Variants in SLC38A2 observed in about 807,000 individuals in gnomAD.
SLC38A2 encodes sodium-coupled neutral amino acid symporter 2.
A neutral mutation model predicts 61.5 loss-of-function variants in SLC38A2; 11 were observed. The observed-to-expected ratio is 0.18, with a 90% confidence interval of 0.11 to 0.30. SLC38A2 has a LOEUF of 0.30. Ranked by LOEUF, SLC38A2 falls within the 10% of genes least tolerant of loss-of-function variation. SLC38A2 has a pLI of 1.00. For missense variants in SLC38A2, 522 were observed against 600.4 expected (o/e 0.87, Z 1.36); for synonymous variants, 217 against 212.5 (o/e 1.02, Z -0.18).
Position 46,358,663 on chromosome 12 carries a change from CA to C in SLC38A2, c.*2447del, listed in dbSNP as rs1943047877. 6.6e-6 allele frequency: 1 copy of C among 152,544 alleles called. No individual in the cohort carries two copies. Among genetic ancestry groups the C allele is most frequent in the Non-Finnish European group, 1.5e-5 (1 of 68,024 alleles). The allele number at this position is 152,544 out of a possible 1,614,324, so 9.4% of individuals were successfully genotyped here. A position where few individuals can be genotyped will look rare whatever the true frequency, so the allele number is the denominator to read the frequency against. ...GTTAAGAAACTTACAGGAATATATACACTTGAACCCAAGACCCAAACCTGAC... is the reference window on the plus strand; with the variant it reads ...GTTAAGAAACTTACAGGAATATATACCTTGAACCCAAGACCCAAACCTGAC... On this transcript the variant is annotated 3_prime_UTR_variant, in exon 16 of 16. Coordinates refer to ENST00000256689, the MANE Select transcript of SLC38A2 (RefSeq NM_018976.5).
intron 3 of SLC38A2, 67 bp from the exon 4 acceptor site, chr12:46,370,694 A>C (rs189749344): frequency 1.4e-5 from 22 of 1,546,604 alleles, no homozygotes; most frequent in Non-Finnish European, 1.8e-5. Context: ...AGCTTTGGGC[A>C]AGTTAGATTT....
chr12:46,370,393 T>C (rs1943182412), intron 4 of SLC38A2, 119 bp downstream of exon 4: 1 of 739,148 alleles, frequency 1.4e-6, no homozygotes, highest in Non-Finnish European at 2.3e-6. Context: ...ATACTTTTAA[T>C]TTTAAGCAAG....
chr12:46,371,961 C>T (rs898011244), intron 1 of SLC38A2, among the ~76,000 whole-genome samples: 3 of 152,098 alleles, frequency 2.0e-5, no homozygotes, highest in Non-Finnish European at 4.4e-5. Flanking sequence ...TGTTTACACA[C>T]GCGCGCCAGT....
chr12:46,367,174 AT>A lies in SLC38A2; in HGVS notation c.389-7del. ...TTGTTCATATAATAAAGACCCTACA[AT>A]TTGAAGACAGAAGCATGAAGCCAAG... On this transcript the variant is annotated splice_polypyrimidine_tract_variant and splice_region_variant and intron_variant, in intron 5 of 15. Transcript: ENST00000256689. 5 of 1,609,754 alleles carry A rather than the reference AT, an allele frequency of 3.1e-6. No homozygotes were observed. The highest frequency in any genetic ancestry group is 4.3e-6 in the Non-Finnish European group (5 of 1,176,446).
At chr12:46,368,391 AAAAT>A (rs918674638) in intron 4 of SLC38A2, among the ~76,000 whole-genome samples, 27 of 152,168 alleles carry the variant, frequency 1.8e-4, no homozygotes, top group Non-Finnish European at 2.2e-4. Flanking sequence ...CAACAGAAAA[AAAAT>A]AAATAAATAA....
rs1163136303 is a variant in SLC38A2 at position 46,363,655 on chromosome 12, C to G, written c.1054+71G>C. The G allele has an allele frequency of 8.7e-6, 8 of 916,972 alleles. No homozygotes were observed. The East Asian group carries it at 1.8e-4, about 20-fold the overall frequency. The allele number at this position is 916,972 out of a possible 1,614,324, so 56.8% of individuals were successfully genotyped here. On this transcript the variant is annotated intron_variant, in intron 12 of 15. Transcript: ENST00000256689. Reference sequence around the variant, plus strand: ...AAGTGATGGAACTACACATAGAAAACTAGCAGCTTCATTTCAATAAGCGTT... The same window carrying G: ...AAGTGATGGAACTACACATAGAAAAGTAGCAGCTTCATTTCAATAAGCGTT...
chr12:46,370,046 T>C (rs149149879), intron 4 of SLC38A2, among the ~76,000 whole-genome samples: 3 of 152,160 alleles, frequency 2.0e-5, no homozygotes, highest in Non-Finnish European at 4.4e-5. Context: ...GCTGGGTAAA[T>C]ACCACCACAC....
intron 13 of SLC38A2, 60 bp from the exon 14 acceptor site, chr12:46,362,698 C>A: frequency 6.7e-7 from 1 of 1,503,118 alleles, no homozygotes; most frequent in Non-Finnish European, 8.8e-7. Flanking sequence ...ATTTAAAAAT[C>A]CAGCTTCAAT....
rs1209469150 is a variant in SLC38A2 at position 46,359,073 on chromosome 12, A to T, written c.*2038T>A. The T allele has an allele frequency of 7.2e-6, 1 of 139,172 alleles. No homozygotes were observed. Among genetic ancestry groups the T allele is most frequent in the Non-Finnish European group, 1.5e-5 (1 of 65,700 alleles). 8.6% of individuals were successfully genotyped at this position (139,172 alleles called of 1,614,324 possible). A position where few individuals can be genotyped will look rare whatever the true frequency, so the allele number is the denominator to read the frequency against. ...TTTTCCATTCCTTCCTGGTTGCCAC[A>T]GTATCTTCTCCCATACAAAAAAAAA... On this transcript the variant is annotated 3_prime_UTR_variant, in exon 16 of 16. Transcript: ENST00000256689.
In SLC38A2 at chr12:46,372,702, C is replaced by T. The variant is rs1299024479; in HGVS notation, c.-280G>A. ...GTGTCAAGGGAAAGGCGCGAGCGTG[C>T]GGTAACGCGTGGTCGGGCTGCTGCT... On this transcript the variant is annotated 5_prime_UTR_variant, in exon 1 of 16. Transcript: ENST00000256689. The T allele has an allele frequency of 2.5e-6, 1 of 398,502 alleles. No individual in the cohort carries two copies. Among genetic ancestry groups the T allele is most frequent in the East Asian group, 3.6e-5 (1 of 28,070 alleles). 24.7% of individuals were successfully genotyped at this position (398,502 alleles called of 1,614,324 possible).
chr12:46,364,994 T>C (rs993038251), intron 8 of SLC38A2, 113 bp downstream of exon 8: 2 of 1,020,836 alleles, frequency 2.0e-6, no homozygotes, highest in Non-Finnish European at 3.0e-6. Context: ...GTCCCAAAGA[T>C]ATACCTTTCT....
chr12:46,367,095 A>C lies in SLC38A2; in HGVS notation c.462T>G (p.Ile154Met). ...TCTTACCTCCAATGTTCTGCATTGT[A>C]ATTGATCCAGATGCTGCAAGCTTTC... ...LVGKLAASGS[I>M]TMQNIGAMSS... Residue 154 changes from isoleucine (I) to methionine (M), a missense_variant, in exon 6 of 16, where the codon ATT becomes ATG. By Grantham distance (10) the Ile-to-Met change is conservative. Coordinates refer to ENST00000256689, the MANE Select transcript of SLC38A2 (RefSeq NM_018976.5). 1 of 1,614,048 alleles carries C rather than the reference A, an allele frequency of 6.2e-7. No individual in the cohort carries two copies. Among genetic ancestry groups the C allele is most frequent in the South Asian group, 1.1e-5 (1 of 91,084 alleles).
At chr12:46,370,953 T>G in intron 2 of SLC38A2, 96 bp from the exon 3 acceptor site, 1 of 944,716 alleles carries the variant, frequency 1.1e-6, no homozygotes, top group Non-Finnish European at 1.6e-6. Context: ...TCCAACAGCA[T>G]AGCTCTGATA....
chr12:46,371,916 G>A (rs1943207220), intron 1 of SLC38A2, among the ~76,000 whole-genome samples: 1 of 152,196 alleles, frequency 6.6e-6, no homozygotes, highest in South Asian at 2.1e-4. Flanking sequence ...CTCTCTCGAG[G>A]GGGGCGAACG....
chr12:46,371,676 T>C, intron 1 of SLC38A2: 1 of 226,132 alleles, frequency 4.4e-6, no homozygotes. Context: ...CGAGGGGGGG[T>C]TCTGTTTTGC....
intron 10 of SLC38A2, 50 bp from the exon 11 acceptor site, chr12:46,364,053 T>C (rs893272238): frequency 1.4e-6 from 2 of 1,462,626 alleles, no homozygotes; most frequent in Middle Eastern, 2.2e-4. Context: ...GAACTCATGC[T>C]GTCACATTTC....
chr12:46,358,353 T>C lies in SLC38A2; in HGVS notation c.*2758A>G, dbSNP rs1317702269. The C allele has an allele frequency of 6.6e-6, 1 of 152,654 alleles. No individual in the cohort carries two copies. The highest frequency in any genetic ancestry group is 2.4e-5 in the African/African-American group (1 of 41,460). The allele number at this position is 152,654 out of a possible 1,614,324, so 9.5% of individuals were successfully genotyped here. ...ACACAAAGTTAATACACCCAGGTTCTCAAAGGTCTTCCATTACACTAGATC... is the reference window on the plus strand; with the variant it reads ...ACACAAAGTTAATACACCCAGGTTCCCAAAGGTCTTCCATTACACTAGATC... On this transcript the variant is annotated 3_prime_UTR_variant, in exon 16 of 16. Coordinates refer to ENST00000256689, the MANE Select transcript of SLC38A2 (RefSeq NM_018976.5).
At chr12:46,366,491 C>CT (rs1943139583) in intron 7 of SLC38A2, among the ~76,000 whole-genome samples, 1 of 152,072 alleles carries the variant, frequency 6.6e-6, no homozygotes, top group African/African-American at 2.4e-5. Context: ...CAGATTAAGT[C>CT]TTAAGAATTC....
intron 4 of SLC38A2, among the ~76,000 whole-genome samples, chr12:46,368,860 G>A (rs566852214): frequency 6.6e-6 from 1 of 152,248 alleles, no homozygotes; most frequent in African/African-American, 2.4e-5. Flanking sequence ...TAACCTTTGA[G>A]GTCACTTTCA....
Sources: allele counts gnomAD v4.1 joint callset (sites outside exome capture counted in the v4.1 genomes callset), GRCh38; gene constraint gnomAD v4.1.1; transcripts MANE v1.5; gene names NCBI Gene and HGNC (gene_info 2026-07-23, HGNC 2026-07-21).